Variants in ABCA13 observed in about 807,000 individuals in gnomAD.
The protein encoded by ABCA13 is ATP binding cassette subfamily A member 13, also known as ATP-binding cassette sub-family A member 13.
A neutral mutation model predicts 478.7 loss-of-function variants in ABCA13; 476 were observed. That is an observed-to-expected ratio of 0.99 (90% CI 0.92 to 1.07). The LOEUF (loss-of-function observed/expected upper bound fraction) is 1.07. ABCA13 is among the 50% of genes least tolerant of loss of function. The probability of loss-of-function intolerance (pLI) is 0.00; values close to 1 mark genes in which losing one functional copy is unlikely to be tolerated. For synonymous variants in ABCA13, 2,252 were observed against 2,158.9 expected, an observed-to-expected ratio of 1.04 and a Z score of -1.20; for missense variants, 6,060 against 5,910.6, an observed-to-expected ratio of 1.03 and a Z score of -0.83.
chr7:48,449,309 C>T (rs959371580), intron 42 of ABCA13, among the ~76,000 whole-genome samples: 1 of 151,956 alleles, frequency 6.6e-6, no homozygotes, highest in African/African-American at 2.4e-5. Context: ...CCTTTTTCTT[C>T]TCTCCTCTCC....
intron 38 of ABCA13, among the ~76,000 whole-genome samples, chr7:48,398,885 A>C (rs894595515): frequency 6.6e-6 from 1 of 152,166 alleles, no homozygotes; most frequent in South Asian, 2.1e-4. Context: ...CAGGCAAGAA[A>C]GAGAAATCAG....
intron 27 of ABCA13, among the ~76,000 whole-genome samples, chr7:48,332,758 T>A (rs1228767611): frequency 6.6e-6 from 1 of 152,254 alleles, no homozygotes; most frequent in Non-Finnish European, 1.5e-5. Context: ...GTGATAAATG[T>A]TAGGCTACTT....
intron 53 of ABCA13, among the ~76,000 whole-genome samples, chr7:48,523,701 A>T (rs1832708337): frequency 6.6e-6 from 1 of 152,194 alleles, no homozygotes; most frequent in South Asian, 2.1e-4. Flanking sequence ...TGAGCAGCTC[A>T]GATTTAGAGA....
In ABCA13 at chr7:48,535,503, C is replaced by T. The variant is rs541775314; in HGVS notation, c.14354+7158C>T. 9.2e-5 allele frequency among the ~76,000 whole-genome samples: 14 copies of T among 152,246 alleles called. No homozygotes were observed. The East Asian group carries it at 2.5e-3, about 27-fold the overall frequency. The stretch of plus-strand genomic sequence containing the variant: ...TGGTTGGCCTCCAGCCAGGAGGTGG[C>T]GCTTTCAAGAGTGTATCGGCTGCCC... On this transcript the variant is annotated intron_variant, in intron 55 of 61. Coordinates refer to ENST00000435803, the MANE Select transcript of ABCA13 (RefSeq NM_152701.5).
At chr7:48,230,898 G>C (rs1248425612) in intron 7 of ABCA13, among the ~76,000 whole-genome samples, 1 of 152,022 alleles carries the variant, frequency 6.6e-6, no homozygotes, top group African/African-American at 2.4e-5. Flanking sequence ...CTTCCTATGA[G>C]CCAAACACTT....
intron 1 of ABCA13, among the ~76,000 whole-genome samples, chr7:48,176,710 T>C (rs1252811479): frequency 6.6e-6 from 1 of 152,140 alleles, no homozygotes; most frequent in Non-Finnish European, 1.5e-5. Context: ...GCTGAATCCC[T>C]GCTGGGCTCT....
chr7:48,182,744 T>G (rs534239642), intron 1 of ABCA13, among the ~76,000 whole-genome samples: 2 of 152,320 alleles, frequency 1.3e-5, no homozygotes, highest in East Asian at 3.9e-4. Flanking sequence ...AAAAATTCAC[T>G]TGGGGAAGGA....
intron 18 of ABCA13, 126 bp from the exon 19 acceptor site, chr7:48,281,217 A>G (rs925246971): frequency 2.7e-6 from 2 of 753,190 alleles, no homozygotes; most frequent in Non-Finnish European, 4.4e-6. Context: ...CTATGAAGAA[A>G]ATATGATTAT....
chr7:48,276,619 A>G (rs761003261), intron 17 of ABCA13, 54 bp downstream of exon 17: 2 of 1,446,472 alleles, frequency 1.4e-6, no homozygotes, highest in Non-Finnish European at 1.9e-6. Flanking sequence ...ATCTCAAACT[A>G]CTTTATTTTC....
chr7:48,255,351 A>C (rs1793219480), intron 15 of ABCA13, among the ~76,000 whole-genome samples: 1 of 152,172 alleles, frequency 6.6e-6, no homozygotes, highest in Non-Finnish European at 1.5e-5. Context: ...ATCTATAAAT[A>C]AGTTTCATAA....
chr7:48,521,258 G>A (rs1175048119), intron 53 of ABCA13, among the ~76,000 whole-genome samples: 1 of 152,172 alleles, frequency 6.6e-6, no homozygotes. Flanking sequence ...CAAGGGCTAT[G>A]TATTTCCGTC....
chr7:48,253,320 C>T (rs1467352784), intron 15 of ABCA13, among the ~76,000 whole-genome samples: 1 of 152,184 alleles, frequency 6.6e-6, no homozygotes, highest in Non-Finnish European at 1.5e-5. Context: ...TCGGCAGCCC[C>T]TAGGCAAGCC....
At position 48,245,993 on chromosome 7, in the gene ABCA13, G is replaced by T; in HGVS notation, c.1622G>T (p.Ser541Ile). The T allele has an allele frequency of 6.2e-7, 1 of 1,613,750 alleles. No homozygotes were observed. ...TGCTATTGTAACTCCTCTGAGACGAGTGTTTTAAACAAGCTACTTGGTTCA... is the reference window on the plus strand; with the variant it reads ...TGCTATTGTAACTCCTCTGAGACGATTGTTTTAAACAAGCTACTTGGTTCA... ...LLCYCNSSET[S>I]VLNKLLGSVE... is the part of the protein sequence containing the mutation. Residue 541 changes from serine (S) to isoleucine (I), a missense_variant, in exon 13 of 62, where the codon AGT becomes ATT. Ser to Ile is a moderately radical substitution (Grantham distance 142). This residue lies in a region of ABCA13 where 4,423 missense variants were observed against 4,309.1 expected (regional missense o/e 1.03). Transcript: ENST00000435803.
chr7:48,269,009 G>A lies in ABCA13; in HGVS notation c.2035G>A (p.Glu679Lys), dbSNP rs2128742422. The change falls in exon 16 of 62, where the codon GAA (glutamate) becomes AAA (lysine). Residue 679 changes from glutamate to lysine, a missense_variant. This residue lies in a region of ABCA13 where 4,423 missense variants were observed against 4,309.1 expected (regional missense o/e 1.03). Transcript: ENST00000435803. ...TCCTGAGGAATCTCCTTGTTTTGAAGAAAACATGGATTGGAAAATGATCAG... is the reference window on the plus strand; with the variant it reads ...TCCTGAGGAATCTCCTTGTTTTGAAAAAAACATGGATTGGAAAATGATCAG... The part of the protein sequence containing the change: ...AFPEESPCFE[E>K]NMDWKMISDN... The A allele has an allele frequency of 6.3e-7, 1 of 1,594,300 alleles. No homozygotes were observed. Among genetic ancestry groups the A allele is most frequent in the Non-Finnish European group, 8.6e-7 (1 of 1,164,848 alleles).
chr7:48,431,799 T>C (rs1309082835), intron 42 of ABCA13, among the ~76,000 whole-genome samples: 1 of 152,252 alleles, frequency 6.6e-6, no homozygotes, highest in Non-Finnish European at 1.5e-5. Flanking sequence ...GCTGGCACTA[T>C]ACCTGATGAA....
Position 48,355,542 on chromosome 7 carries a change from C to T in ABCA13, c.10688+3055C>T, listed in dbSNP as rs117264608. Among the ~76,000 whole-genome samples, 59 of 152,064 alleles carry T rather than the reference C, an allele frequency of 3.9e-4. No homozygotes were observed. In the East Asian group the frequency reaches 9.5e-3, roughly 24 times the overall value. ...ACTTATACTGTAAAAGTCTTGCTCACGCTGTTGGGTGGAAAAGAGCTTGTA... is the reference window on the plus strand; with the variant it reads ...ACTTATACTGTAAAAGTCTTGCTCATGCTGTTGGGTGGAAAAGAGCTTGTA... On this transcript the variant is annotated intron_variant, in intron 31 of 61. Coordinates refer to ENST00000435803, the MANE Select transcript of ABCA13 (RefSeq NM_152701.5).
At chr7:48,194,022 A>C in intron 2 of ABCA13, among the ~76,000 whole-genome samples, 1 of 28,624 alleles carries the variant, frequency 3.5e-5, no homozygotes, top group East Asian at 9.5e-4. Flanking sequence ...ATGATGATGG[A>C]GATAACAGCA....
intron 6 of ABCA13, among the ~76,000 whole-genome samples, chr7:48,228,837 T>G (rs1169269395): frequency 6.6e-6 from 1 of 152,230 alleles, no homozygotes; most frequent in Non-Finnish European, 1.5e-5. Context: ...CTGACTGTGT[T>G]AGCAGTGAAC....
intron 27 of ABCA13, among the ~76,000 whole-genome samples, chr7:48,327,110 C>T (rs921127685): frequency 1.2e-4 from 19 of 152,088 alleles, no homozygotes; most frequent in African/African-American, 2.9e-4. Flanking sequence ...TGTATTAGTC[C>T]GTCCTCACAC....
Sources: gnomAD v4.1 joint callset for allele counts (sites outside exome capture counted in the v4.1 genomes callset) on GRCh38, gnomAD v4.1.1 for gene constraint, gnomAD v4.1.1 regional missense constraint, MANE v1.5 for transcripts, NCBI Gene and HGNC (gene_info 2026-07-23, HGNC 2026-07-21) for gene names.